Variants in SLCO5A1 observed in about 807,000 individuals in gnomAD.
The protein encoded by SLCO5A1 is solute carrier organic anion transporter family member 5A1.
Under a neutral mutation model 65.1 loss-of-function variants are expected in SLCO5A1, and 39 were observed. The observed-to-expected ratio is 0.60, with a 90% confidence interval of 0.46 to 0.78. SLCO5A1 has a LOEUF of 0.78. SLCO5A1 is among the 30% of genes least tolerant of loss of function. The probability of loss-of-function intolerance (pLI) is 0.00; values close to 1 mark genes in which losing one functional copy is unlikely to be tolerated. For missense variants in SLCO5A1, 1,029 were observed against 1,069.4 expected (o/e 0.96, Z 0.53); for synonymous variants, 438 against 415.7 (o/e 1.05, Z -0.65).
chr8:69,683,534 C>G (rs1009556838), intron 6 of SLCO5A1, among the ~76,000 whole-genome samples: 1 of 151,472 alleles, frequency 6.6e-6, no homozygotes, highest in African/African-American at 2.4e-5. Flanking sequence ...AATTTCTCGC[C>G]CCTCAACTCC....
chr8:69,738,047 G>T lies in SLCO5A1; in HGVS notation c.1416C>A (p.Ile472=). The T allele has an allele frequency of 6.2e-7, 1 of 1,613,658 alleles. No individual in the cohort carries two copies. The highest frequency in any genetic ancestry group is 1.1e-5 in the South Asian group (1 of 91,036). ...CTAGCGGCAGTGCCTTACCAGTGTAGATGCTGGCATTGGAGGCTGGGATAC... is the reference window on the plus strand; with the variant it reads ...CTAGCGGCAGTGCCTTACCAGTGTATATGCTGGCATTGGAGGCTGGGATAC... ...QFGIPASNAS[I]YTGVIIVPSA... is the part of the protein sequence containing the mutation. Residue 472 remains isoleucine, a synonymous_variant, in exon 5 of 10, where the codon ATC becomes ATA. Transcript: ENST00000260126.
At chr8:69,723,287 T>C (rs1279112736) in intron 5 of SLCO5A1, among the ~76,000 whole-genome samples, 1 of 152,216 alleles carries the variant, frequency 6.6e-6, no homozygotes, top group Admixed American at 6.5e-5. Flanking sequence ...GGTCTCACTC[T>C]GTCACCGAGG....
intron 5 of SLCO5A1, among the ~76,000 whole-genome samples, chr8:69,730,844 A>G (rs1816304875): frequency 6.6e-6 from 1 of 152,108 alleles, no homozygotes; most frequent in East Asian, 1.9e-4. Flanking sequence ...ACCCCTGGAG[A>G]GCTCGGCTGT....
intron 5 of SLCO5A1, among the ~76,000 whole-genome samples, chr8:69,720,201 T>C (rs1815752600): frequency 6.6e-6 from 1 of 152,224 alleles, no homozygotes; most frequent in South Asian, 2.1e-4. Flanking sequence ...CTTGAAAAGC[T>C]ATAAGAAGTA....
intron 5 of SLCO5A1, among the ~76,000 whole-genome samples, chr8:69,714,337 T>G (rs1275097703): frequency 6.6e-6 from 1 of 152,212 alleles, no homozygotes; most frequent in Non-Finnish European, 1.5e-5. Flanking sequence ...TATTTGGACT[T>G]AGGATTAGGA....
chr8:69,755,873 A>G (rs1817519940), intron 3 of SLCO5A1, among the ~76,000 whole-genome samples: 1 of 152,226 alleles, frequency 6.6e-6, no homozygotes, highest in Non-Finnish European at 1.5e-5. Context: ...TATTATAATC[A>G]GCAACCTGAT....
chr8:69,734,089 T>C (rs535359886), intron 5 of SLCO5A1, among the ~76,000 whole-genome samples: 50 of 152,214 alleles, frequency 3.3e-4, no homozygotes, highest in African/African-American at 1.2e-3. Flanking sequence ...ATTGCGATGA[T>C]GCCCTCGTCA....
At position 69,768,348 on chromosome 8, in the gene SLCO5A1, G is replaced by A. The variant is rs78732691; in HGVS notation, c.908-6473C>T. The stretch of plus-strand genomic sequence containing the variant: ...ATGTCTCTGGTTCCTCCTTTCTCTG[G>A]GTGTACCTCCTCCCAACCTTGGCAA... On this transcript the variant is annotated intron_variant, in intron 2 of 9. Coordinates refer to ENST00000260126, the MANE Select transcript of SLCO5A1 (RefSeq NM_030958.3). Among the ~76,000 whole-genome samples, 192 of 152,146 alleles carry A rather than the reference G, an allele frequency of 1.3e-3. 1 individual carries two copies. Among genetic ancestry groups the A allele is most frequent in the Middle Eastern group, 0.01 (3 of 294 alleles).
chr8:69,784,817 A>AAGAAAGAAAGAG (rs1818945962), intron 2 of SLCO5A1, among the ~76,000 whole-genome samples: 1 of 99,466 alleles, frequency 1.0e-5, no homozygotes, highest in African/African-American at 3.0e-5. Flanking sequence ...AAGAAAAAGA[A>AAGAAAGAAAGAG]AGAAAGAAAG....
chr8:69,709,602 G>T (rs956125329), intron 5 of SLCO5A1, among the ~76,000 whole-genome samples: 2 of 152,186 alleles, frequency 1.3e-5, no homozygotes, highest in African/African-American at 4.8e-5. Flanking sequence ...TACACTGATT[G>T]CATTCTGGCA....
At chr8:69,699,523 G>A (rs556532061) in intron 6 of SLCO5A1, among the ~76,000 whole-genome samples, 12 of 151,890 alleles carry the variant, frequency 7.9e-5, no homozygotes, top group Admixed American at 6.6e-4. Context: ...CTCCCACAGC[G>A]AGACCCACCA....
chr8:69,831,330 C>T (rs1057264442), intron 2 of SLCO5A1, among the ~76,000 whole-genome samples: 4 of 151,750 alleles, frequency 2.6e-5, no homozygotes, highest in African/African-American at 7.3e-5. Context: ...TGTAGTCTGG[C>T]CACGCCACCA....
At chr8:69,732,887 A>G (rs1816397987) in intron 5 of SLCO5A1, among the ~76,000 whole-genome samples, 1 of 142,888 alleles carries the variant, frequency 7.0e-6, no homozygotes, top group Non-Finnish European at 1.5e-5. Flanking sequence ...GACTCCGTCT[A>G]AAAAAAAAAA....
intron 2 of SLCO5A1, among the ~76,000 whole-genome samples, chr8:69,816,673 C>T (rs562767237): frequency 6.6e-5 from 10 of 152,270 alleles, no homozygotes; most frequent in African/African-American, 2.2e-4. Context: ...CATTTCTCTC[C>T]CTGAAGGCTT....
At chr8:69,744,552 G>T (rs565979988) in intron 4 of SLCO5A1, among the ~76,000 whole-genome samples, 72 of 152,254 alleles carry the variant, frequency 4.7e-4, no homozygotes, top group African/African-American at 1.7e-3. Flanking sequence ...CAATTCTTAG[G>T]TAGCTGCATG....
chr8:69,827,377 A>G (rs1032341109), intron 2 of SLCO5A1, among the ~76,000 whole-genome samples: 1 of 152,162 alleles, frequency 6.6e-6, no homozygotes, highest in Non-Finnish European at 1.5e-5. Flanking sequence ...AGCTTTCTCT[A>G]TGCTCCTAGT....
At chr8:69,803,272 C>G (rs578180342) in intron 2 of SLCO5A1, among the ~76,000 whole-genome samples, 21 of 152,238 alleles carry the variant, frequency 1.4e-4, no homozygotes, top group Admixed American at 9.8e-4. Flanking sequence ...AAAAAATTTT[C>G]TGGGCATGGT....
intron 2 of SLCO5A1, among the ~76,000 whole-genome samples, chr8:69,809,002 G>A (rs1431498675): frequency 6.6e-6 from 1 of 152,166 alleles, no homozygotes; most frequent in Non-Finnish European, 1.5e-5. Context: ...TACTCGGGAG[G>A]CTGAGGCAGG....
chr8:69,831,717 G>A, intron 2 of SLCO5A1, 50 bp downstream of exon 2: 2 of 1,527,294 alleles, frequency 1.3e-6, no homozygotes, highest in Non-Finnish European at 1.8e-6. Context: ...TGTAAGGAAA[G>A]TAAGTTTCAG....
Sources: gnomAD v4.1 joint callset for allele counts (sites outside exome capture counted in the v4.1 genomes callset) on GRCh38, gnomAD v4.1.1 for gene constraint, MANE v1.5 for transcripts, NCBI Gene and HGNC (gene_info 2026-07-23, HGNC 2026-07-21) for gene names.